IMMP2L: variants seen among roughly 807,000 people sequenced by gnomAD.
The protein encoded by IMMP2L is mitochondrial inner membrane protease subunit 2.
Under a neutral mutation model 19.3 loss-of-function variants are expected in IMMP2L, and 18 were observed. The observed-to-expected ratio is 0.93, with a 90% CI of 0.64 to 1.38. IMMP2L has a LOEUF of 1.38. Ranked by LOEUF, IMMP2L falls within the 40% of genes most tolerant of loss-of-function variation. The pLI is 0.00. For synonymous variants in IMMP2L, 76 were observed against 73.0 expected (o/e 1.04, Z -0.21); for missense variants, 233 against 218.2 (o/e 1.07, Z -0.43).
chr7:111,446,284 C>A (rs1760556998), intron 3 of IMMP2L, among the ~76,000 whole-genome samples: 1 of 150,308 alleles, frequency 6.7e-6, no homozygotes, highest in Non-Finnish European at 1.5e-5. Flanking sequence ...ACAGCAGTAA[C>A]CTCTGCAGAC....
chr7:111,549,737 C>G (rs1585646336), intron 1 of IMMP2L, among the ~76,000 whole-genome samples: 1 of 151,956 alleles, frequency 6.6e-6, no homozygotes, highest in East Asian at 1.9e-4. Flanking sequence ...GTCAGGAGTT[C>G]AAGACCAGCC....
chr7:111,067,663 A>T (rs1794627797), intron 3 of IMMP2L, among the ~76,000 whole-genome samples: 1 of 152,234 alleles, frequency 6.6e-6, no homozygotes, highest in African/African-American at 2.4e-5. Context: ...ACAGAAAAGC[A>T]CTATTTCGTA....
chr7:111,456,634 CT>C (rs1432883477), intron 3 of IMMP2L, among the ~76,000 whole-genome samples: 22 of 152,086 alleles, frequency 1.4e-4, no homozygotes, highest in African/African-American at 5.3e-4. Flanking sequence ...AGTTTTTAGC[CT>C]TTTGTAATAT....
rs1472717205 is a variant in IMMP2L at position 111,521,427 on chromosome 7, C to A, written c.21G>T (p.Trp7Cys). MAQSQG[W>C]VKRYIKAFCK... The stretch of plus-strand genomic sequence containing the variant: ...AAAAGGCCTTGATGTATCTTTTCAC[C>A]CACCCTTGTGACTGTGCCATACCTA... Residue 7 changes from tryptophan to cysteine, a missense_variant, in exon 2 of 6, where the codon TGG becomes TGT. By Grantham distance (215) the Trp-to-Cys change is radical (BLOSUM62 -2). Transcript: ENST00000405709. 2 of 1,612,244 alleles carry A rather than the reference C, an allele frequency of 1.2e-6. No individual in the cohort carries two copies. Among genetic ancestry groups the A allele is most frequent in the Non-Finnish European group, 1.7e-6 (2 of 1,178,958 alleles).
At chr7:111,249,890 T>G (rs1348255696) in intron 3 of IMMP2L, among the ~76,000 whole-genome samples, 2 of 152,164 alleles carry the variant, frequency 1.3e-5, no homozygotes, top group Non-Finnish European at 2.9e-5. Context: ...AACACAGTAT[T>G]GGAAGTTCTG....
intron 5 of IMMP2L, among the ~76,000 whole-genome samples, chr7:110,841,047 A>G (rs894982221): frequency 1.3e-5 from 2 of 152,076 alleles, no homozygotes; most frequent in Non-Finnish European, 2.9e-5. Flanking sequence ...TCAAGGGGCC[A>G]TTCAATAAAC....
chr7:110,679,421 T>C (rs1171881089), intron 5 of IMMP2L, among the ~76,000 whole-genome samples: 1 of 152,182 alleles, frequency 6.6e-6, no homozygotes, highest in Non-Finnish European at 1.5e-5. Context: ...TTGTTTTCCT[T>C]CTAGTAGCTG....
intron 3 of IMMP2L, among the ~76,000 whole-genome samples, chr7:110,992,865 GTAT>G (rs1822631699): frequency 6.6e-6 from 1 of 152,096 alleles, no homozygotes; most frequent in East Asian, 1.9e-4. Flanking sequence ...TAGGCCACTT[GTAT>G]TCAGTCCCCA....
At chr7:110,726,016 A>C (rs936835640) in intron 5 of IMMP2L, among the ~76,000 whole-genome samples, 1 of 152,198 alleles carries the variant, frequency 6.6e-6, no homozygotes, top group African/African-American at 2.4e-5. Flanking sequence ...ATTGAGGTTC[A>C]TAGAGATTAA....
intron 3 of IMMP2L, among the ~76,000 whole-genome samples, chr7:111,392,370 A>G (rs1832443857): frequency 6.6e-6 from 1 of 152,188 alleles, no homozygotes; most frequent in African/African-American, 2.4e-5. Context: ...TAGATTCTAA[A>G]GCATCTGATG....
intron 3 of IMMP2L, among the ~76,000 whole-genome samples, chr7:111,133,090 G>A (rs1802002224): frequency 6.6e-6 from 1 of 151,918 alleles, no homozygotes; most frequent in African/African-American, 2.4e-5. Context: ...TTCTAAGCAG[G>A]GAAGCAAGGA....
At chr7:110,730,570 C>T (rs1344376410) in intron 5 of IMMP2L, among the ~76,000 whole-genome samples, 3 of 151,516 alleles carry the variant, frequency 2.0e-5, no homozygotes, top group African/African-American at 7.3e-5. Context: ...GCTCTGTTGC[C>T]CAGGCTGGAG....
chr7:111,476,551 T>C (rs1223481342), intron 3 of IMMP2L, among the ~76,000 whole-genome samples: 1 of 152,140 alleles, frequency 6.6e-6, no homozygotes, highest in Non-Finnish European at 1.5e-5. Context: ...CTAGATCCTC[T>C]TCTTAAGATC....
chr7:111,310,928 T>C (rs949488674), intron 3 of IMMP2L, among the ~76,000 whole-genome samples: 1 of 152,202 alleles, frequency 6.6e-6, no homozygotes, highest in Non-Finnish European at 1.5e-5. Context: ...TTCTAACGCC[T>C]ATTCTCCTTT....
chr7:111,447,167 G>A (rs1166847618), intron 3 of IMMP2L, among the ~76,000 whole-genome samples: 129 of 145,212 alleles, frequency 8.9e-4, no homozygotes, highest in East Asian at 2.1e-3. Flanking sequence ...CCCCAATCTA[G>A]CAAGGCAGGC....
chr7:111,072,222 CA>C (rs1795014817), intron 3 of IMMP2L, among the ~76,000 whole-genome samples: 1 of 152,184 alleles, frequency 6.6e-6, no homozygotes, highest in Non-Finnish European at 1.5e-5. Context: ...AATCATTTTA[CA>C]ACATCATAAT....
intron 5 of IMMP2L, among the ~76,000 whole-genome samples, chr7:110,678,130 G>A (rs531699621): frequency 1.3e-5 from 2 of 152,002 alleles, no homozygotes; most frequent in African/African-American, 2.4e-5. Context: ...TTCTAAAATC[G>A]AAAGAGTTCC....
chr7:111,509,227 T>G (rs1845222149), intron 2 of IMMP2L, among the ~76,000 whole-genome samples: 1 of 152,126 alleles, frequency 6.6e-6, no homozygotes, highest in Non-Finnish European at 1.5e-5. Context: ...ACAAAACGAT[T>G]CTAATTTCAT....
intron 3 of IMMP2L, among the ~76,000 whole-genome samples, chr7:111,227,327 A>C (rs1158345753): frequency 6.6e-6 from 1 of 152,100 alleles, no homozygotes; most frequent in African/African-American, 2.4e-5. Flanking sequence ...CCGAAGTATT[A>C]CTTTAAGAGA....
Sources: gnomAD v4.1 joint callset for allele counts (sites outside exome capture counted in the v4.1 genomes callset) on GRCh38, gnomAD v4.1.1 for gene constraint, MANE v1.5 for transcripts, NCBI Gene and HGNC (gene_info 2026-07-23, HGNC 2026-07-21) for gene names.